The following TSEN2 variants were observed in gnomAD, a reference collection of about 807,000 sequenced individuals.
TSEN2 encodes the protein tRNA-splicing endonuclease subunit Sen2.
Under a neutral mutation model 59.2 loss-of-function variants are expected in TSEN2, and 54 were observed. The ratio of observed to expected loss-of-function variants is 0.91; its 90% CI spans 0.73 to 1.14. The LOEUF (loss-of-function observed/expected upper bound fraction) is 1.14, where lower values mean the gene tolerates loss of function less well. TSEN2 is among the 50% of genes most tolerant of loss of function. The pLI, the probability that TSEN2 is intolerant of heterozygous loss-of-function variation, is 0.00. For missense variants in TSEN2, 636 were observed against 576.2 expected (o/e 1.10, Z -1.06); for synonymous variants, 195 against 198.2 (o/e 0.98, Z 0.14).
intron 1 of TSEN2, among the ~76,000 whole-genome samples, chr3:12,487,532 T>C (rs1231632035): frequency 6.6e-6 from 1 of 151,516 alleles, no homozygotes; most frequent in Non-Finnish European, 1.5e-5. Context: ...GTAATGTATA[T>C]AAGTCAGCTG....
At chr3:12,527,438 CTTTTCTTTTTTTT>C (rs751373855) in intron 8 of TSEN2, among the ~76,000 whole-genome samples, 11 of 149,078 alleles carry the variant, frequency 7.4e-5, no homozygotes, top group East Asian at 2.0e-4. Context: ...TTTCCTTGAA[CTTTTCTTTTTTTT>C]TTTTCTTTTT....
At chr3:12,483,948 G>A (rs2052327418), upstream of TSEN2, among the ~76,000 whole-genome samples, 1 of 152,200 alleles carries the variant, frequency 6.6e-6, no homozygotes. Context: ...AGAGCAGGTG[G>A]ACCTGCCGCC....
rs755513460 is a variant in TSEN2 at position 12,519,185 on chromosome 3, G to A, written c.1087G>A (p.Gly363Arg). Reference sequence around the variant, plus strand: ...GGTGCCCAAAGTGGGACTCAAGTACGGGACAGATTTACGTAAGTAATTCTT... The same window carrying A: ...GGTGCCCAAAGTGGGACTCAAGTACAGGACAGATTTACGTAAGTAATTCTT... ...GWVPKVGLKYGTDLLLYRKGP... is the reference protein window; with the variant it reads ...GWVPKVGLKYRTDLLLYRKGP... Residue 363 changes from glycine (G) to arginine (R), a missense_variant, in exon 8 of 12, where the codon GGG (glycine) becomes AGG (arginine). Transcript: ENST00000284995. 26 of 1,614,064 alleles carry A rather than the reference G, an allele frequency of 1.6e-5. No homozygotes were observed. The highest frequency in any genetic ancestry group is 3.3e-5 in the Admixed American group (2 of 60,004).
At chr3:12,480,681 A>T (rs2052182671), upstream of TSEN2, among the ~76,000 whole-genome samples, 1 of 150,894 alleles carries the variant, frequency 6.6e-6, no homozygotes, top group African/African-American at 2.4e-5. Flanking sequence ...CAGGCGCATC[A>T]CCATGCCCAG....
rs1209228819 is a variant in TSEN2, at chr3:12,532,855, A to G, written c.*134A>G. The G allele has an allele frequency of 3.6e-6, 3 of 827,310 alleles. No individual in the cohort carries two copies. Among genetic ancestry groups the G allele is most frequent in the Admixed American group, 4.2e-5 (2 of 47,126 alleles). The allele number at this position is 827,310 out of a possible 1,614,324, so 51.2% of individuals were successfully genotyped here. A position where few individuals can be genotyped will look rare whatever the true frequency, so the allele number is the denominator to read the frequency against. On this transcript the variant is annotated 3_prime_UTR_variant, in exon 12 of 12. Coordinates refer to ENST00000284995, the MANE Select transcript of TSEN2 (RefSeq NM_025265.4). ...GTGCTCCCAGCACCAGAAAACTATC[A>G]GTGTTTTTAAAGATAAATTACACAA...
At chr3:12,480,632 G>A (rs2052182263), upstream of TSEN2, among the ~76,000 whole-genome samples, 1 of 147,900 alleles carries the variant, frequency 6.8e-6, no homozygotes, top group Non-Finnish European at 1.5e-5. Context: ...CTGGGTTCGA[G>A]TGATTCTCCT....
chr3:12,480,899 C>G (rs115727925), upstream of TSEN2, among the ~76,000 whole-genome samples: 46 of 152,194 alleles, frequency 3.0e-4, no homozygotes, highest in African/African-American at 1.1e-3. Flanking sequence ...GCATAAGCCC[C>G]GTAGATCCGT....
intron 2 of TSEN2, 63 bp from the exon 3 acceptor site, chr3:12,492,073 C>T: frequency 7.1e-7 from 1 of 1,400,040 alleles, no homozygotes; most frequent in East Asian, 2.3e-5. Flanking sequence ...ACTGTATATT[C>T]TACCTCAGCT....
At chr3:12,487,487 A>G (rs1472131441) in intron 1 of TSEN2, among the ~76,000 whole-genome samples, 2 of 151,456 alleles carry the variant, frequency 1.3e-5, no homozygotes, top group Admixed American at 6.6e-5. Context: ...GAAGGTGGCC[A>G]TTAAATCTTT....
intron 3 of TSEN2, among the ~76,000 whole-genome samples, chr3:12,494,848 G>T (rs1276404981): frequency 1.3e-5 from 2 of 151,834 alleles, no homozygotes; most frequent in East Asian, 3.9e-4. Context: ...AAGTTTGGCT[G>T]GGCATGGTGG....
At chr3:12,528,675 A>G (rs2057263403) in intron 8 of TSEN2, among the ~76,000 whole-genome samples, 1 of 152,256 alleles carries the variant, frequency 6.6e-6, no homozygotes, top group Admixed American at 6.5e-5. Flanking sequence ...AGCCATGGTC[A>G]TGCCACTGCA....
In TSEN2 at chr3:12,492,121, CTCTCT is replaced by C; in HGVS notation, c.190-12_190-8del. The C allele has an allele frequency of 6.2e-7, 1 of 1,611,190 alleles. No homozygotes were observed. ...ACTAAGCATGAACTAACTTCATTTT[CTCTCT>C]TCCTGGAAGGGTTATTTTGGAAAAG... On this transcript the variant is annotated splice_polypyrimidine_tract_variant and intron_variant, in intron 2 of 11. Transcript: ENST00000284995.
chr3:12,519,431 CTT>C lies in TSEN2; in HGVS notation c.1099+235_1099+236del, dbSNP rs201903250. 7.9e-5 allele frequency among the ~76,000 whole-genome samples: 12 copies of C among 152,310 alleles called. No individual in the cohort carries two copies. In the East Asian group the frequency reaches 2.1e-3, roughly 27 times the overall value. ...TGCAACGCCAGTTCAGGCTTTCCCT[CTT>C]GTTTGCTCTATGATCTTAGAAAAGC... On this transcript the variant is annotated intron_variant, in intron 8 of 11. Transcript: ENST00000284995.
In TSEN2 at chr3:12,533,157, G is replaced by A. The variant is rs542697667; in HGVS notation, c.*436G>A. 16 of 241,236 alleles carry A rather than the reference G, an allele frequency of 6.6e-5. No homozygotes were observed. In the South Asian group the frequency reaches 8.3e-4, roughly 12 times the overall value. 14.9% of individuals were successfully genotyped at this position (241,236 alleles called of 1,614,324 possible). ...TGTTACCTACATCTAAGCTGTTCCC[G>A]AAAGAGTGTTACAGAACACAACAGT... On this transcript the variant is annotated 3_prime_UTR_variant, in exon 12 of 12. Coordinates refer to ENST00000284995, the MANE Select transcript of TSEN2 (RefSeq NM_025265.4).
upstream of TSEN2, among the ~76,000 whole-genome samples, chr3:12,481,164 C>G (rs563327022): frequency 6.6e-6 from 1 of 152,318 alleles, no homozygotes; most frequent in Non-Finnish European, 1.5e-5. Context: ...CCAAATATTA[C>G]TTGGAGGTTC....
chr3:12,520,570 G>A (rs920500703), intron 8 of TSEN2, among the ~76,000 whole-genome samples: 3 of 151,984 alleles, frequency 2.0e-5, no homozygotes, highest in African/African-American at 4.8e-5. Flanking sequence ...CGGGCAGATC[G>A]CTTGAGGTCA....
chr3:12,525,377 TGATACCATAAGTA>T (rs1223287620), intron 8 of TSEN2, among the ~76,000 whole-genome samples: 11 of 152,196 alleles, frequency 7.2e-5, no homozygotes, highest in Non-Finnish European at 1.3e-4. Context: ...GTACCATAAG[TGATACCATAAGTA>T]GATACCATAA....
intron 6 of TSEN2, among the ~76,000 whole-genome samples, chr3:12,512,851 C>T (rs908066100): frequency 6.6e-6 from 1 of 152,226 alleles, no homozygotes; most frequent in Non-Finnish European, 1.5e-5. Context: ...TCCATTGTTT[C>T]ATAGGGATCT....
intron 4 of TSEN2, among the ~76,000 whole-genome samples, chr3:12,497,162 G>A (rs79392833): frequency 0.025 from 3,735 of 152,204 alleles, 67 homozygotes; most frequent in South Asian, 0.059. Flanking sequence ...TGTGTCATAC[G>A]TGGGTTTAGA....
Sources: gnomAD v4.1 joint callset for allele counts (sites outside exome capture counted in the v4.1 genomes callset) on GRCh38, gnomAD v4.1.1 for gene constraint, MANE v1.5 for transcripts, NCBI Gene and HGNC (gene_info 2026-07-23, HGNC 2026-07-21) for gene names.